Variants in PTPRD observed in about 807,000 individuals in gnomAD.
PTPRD encodes receptor-type tyrosine-protein phosphatase delta.
Under a neutral mutation model 214.5 loss-of-function variants are expected in PTPRD, and 34 were observed. The observed-to-expected ratio is 0.16, with a 90% CI of 0.12 to 0.21. The LOEUF (loss-of-function observed/expected upper bound fraction) is 0.21. PTPRD is among the 10% of genes least tolerant of loss of function. The pLI is 1.00. For missense variants in PTPRD, 2,545 were observed against 2,398.7 expected (o/e 1.06, Z -1.27); for synonymous variants, 1,128 against 845.7 (o/e 1.33, Z -5.79).
chr9:10,486,399 G>A (rs921757400), intron 2 of PTPRD, among the ~76,000 whole-genome samples: 4 of 152,058 alleles, frequency 2.6e-5, no homozygotes, highest in Admixed American at 6.5e-5. Context: ...TTCTGCATAT[G>A]GCTGGACAGT....
chr9:10,129,365 C>A (rs1481209752), intron 3 of PTPRD, among the ~76,000 whole-genome samples: 3 of 152,074 alleles, frequency 2.0e-5, no homozygotes, highest in African/African-American at 7.2e-5. Flanking sequence ...TCCCTAGTGG[C>A]CTCTTAATTT....
intron 11 of PTPRD, among the ~76,000 whole-genome samples, chr9:8,923,467 G>A (rs769635398): frequency 9.2e-5 from 14 of 151,950 alleles, no homozygotes; most frequent in Non-Finnish European, 1.8e-4. Context: ...GTGGCCCGTG[G>A]TCCAAACAGA....
chr9:8,917,219 C>T (rs1350168986), intron 11 of PTPRD, among the ~76,000 whole-genome samples: 3 of 150,702 alleles, frequency 2.0e-5, no homozygotes, highest in Admixed American at 6.6e-5. Flanking sequence ...ACCTCTGCTT[C>T]CTAGGTTCAA....
At chr9:9,392,175 C>T (rs984505167) in intron 9 of PTPRD, among the ~76,000 whole-genome samples, 9 of 152,128 alleles carry the variant, frequency 5.9e-5, no homozygotes, top group Non-Finnish European at 1.3e-4. Context: ...TGGCCCTCAG[C>T]GAGAGCAGTG....
At chr9:8,690,090 A>G (rs959594477) in intron 12 of PTPRD, among the ~76,000 whole-genome samples, 1 of 149,674 alleles carries the variant, frequency 6.7e-6, no homozygotes, top group African/African-American at 2.5e-5. Flanking sequence ...CCTAGGAGTT[A>G]CAGCGAGACT....
chr9:9,139,819 G>T (rs1203321191), intron 10 of PTPRD, among the ~76,000 whole-genome samples: 1 of 152,142 alleles, frequency 6.6e-6, no homozygotes. Context: ...CGGCAACAGT[G>T]GCTTTCTATG....
At chr9:10,000,475 T>G (rs1296994183) in intron 4 of PTPRD, among the ~76,000 whole-genome samples, 1 of 152,126 alleles carries the variant, frequency 6.6e-6, no homozygotes, top group East Asian at 1.9e-4. Context: ...AAGACCCAAC[T>G]GCTGTTCCCC....
chr9:8,338,151 T>A (rs1324643764), intron 43 of PTPRD, among the ~76,000 whole-genome samples: 1 of 151,952 alleles, frequency 6.6e-6, no homozygotes, highest in African/African-American at 2.4e-5. Flanking sequence ...TACCCTGGAG[T>A]TTTATTCAAC....
At chr9:9,986,893 ATATT>A (rs200694767) in intron 4 of PTPRD, among the ~76,000 whole-genome samples, 2,347 of 71,932 alleles carry the variant, frequency 0.033, 81 homozygotes, top group African/African-American at 0.093. Context: ...TGTAGATTTC[ATATT>A]TTTTTTTTAC....
chr9:9,340,989 G>A (rs1047266481), intron 9 of PTPRD, among the ~76,000 whole-genome samples: 1 of 152,056 alleles, frequency 6.6e-6, no homozygotes, highest in Non-Finnish European at 1.5e-5. Context: ...CTTCAATATT[G>A]AATGTGGTAT....
At chr9:9,888,939 T>G (rs1262204651) in intron 5 of PTPRD, among the ~76,000 whole-genome samples, 1 of 152,124 alleles carries the variant, frequency 6.6e-6, no homozygotes, top group Non-Finnish European at 1.5e-5. Flanking sequence ...TTAGAAAAAT[T>G]TATGGTATTA....
chr9:8,596,821 G>C (rs11788419), intron 14 of PTPRD, among the ~76,000 whole-genome samples: 24,895 of 151,968 alleles, frequency 0.16, 2,337 homozygotes, highest in South Asian at 0.28. Flanking sequence ...GCTACATAAG[G>C]TATTGGGAAA....
Position 9,725,413 on chromosome 9 carries a change from A to G in PTPRD, c.-287+9120T>C, listed in dbSNP as rs141213178. 8.3e-4 allele frequency among the ~76,000 whole-genome samples: 126 copies of G among 152,004 alleles called. 2 individuals carry two copies. The highest frequency in any genetic ancestry group is 2.9e-3 in the African/African-American group (122 of 41,452). On this transcript the variant is annotated intron_variant, in intron 7 of 45. Coordinates refer to ENST00000381196, the MANE Select transcript of PTPRD (RefSeq NM_002839.4). ...AAGGCCTCCCCAGCTACGTGGAACC[A>G]TAAGTCCATTAAACGTCTTTTTCTT...
chr9:8,788,498 C>T (rs1168158044), intron 11 of PTPRD, among the ~76,000 whole-genome samples: 3 of 152,024 alleles, frequency 2.0e-5, no homozygotes, highest in African/African-American at 7.2e-5. Context: ...TGGTCTCAAA[C>T]TCCCGACCTC....
At chr9:9,317,642 G>A (rs1206116537) in intron 9 of PTPRD, among the ~76,000 whole-genome samples, 1 of 151,884 alleles carries the variant, frequency 6.6e-6, no homozygotes. Flanking sequence ...TGATGCTGAT[G>A]TTATATTTTG....
chr9:9,257,349 T>C (rs1408027950), intron 9 of PTPRD, among the ~76,000 whole-genome samples: 1 of 152,016 alleles, frequency 6.6e-6, no homozygotes, highest in Non-Finnish European at 1.5e-5. Flanking sequence ...GGTAGTTTCA[T>C]AAACTATATG....
chr9:8,631,718 A>G (rs932079364), intron 14 of PTPRD, among the ~76,000 whole-genome samples: 15 of 151,904 alleles, frequency 9.9e-5, no homozygotes, highest in African/African-American at 3.6e-4. Context: ...TTAAAACTCC[A>G]GCACTAAAGC....
rs189240825 is a variant in PTPRD at position 10,145,577 on chromosome 9, A to G, written c.-544-111787T>C. On this transcript the variant is annotated intron_variant, in intron 3 of 45. Coordinates refer to ENST00000381196, the MANE Select transcript of PTPRD (RefSeq NM_002839.4). Reference sequence around the variant, plus strand: ...CAAAATATGAGTTAATCAACTGTTTATGTTATCAGTAAGGCTTCTAGTCAA... The same window carrying G: ...CAAAATATGAGTTAATCAACTGTTTGTGTTATCAGTAAGGCTTCTAGTCAA... Among the ~76,000 whole-genome samples, 724 of 152,276 alleles carry G rather than the reference A, an allele frequency of 4.8e-3. 1 individual carries two copies. The highest frequency in any genetic ancestry group is 7.0e-3 in the Non-Finnish European group (474 of 68,010).
At position 9,545,559 on chromosome 9, in the gene PTPRD, C is replaced by A. The variant is rs546619682; in HGVS notation, c.-237+29173G>T. On this transcript the variant is annotated intron_variant, in intron 8 of 45. Transcript: ENST00000381196. ...CAAATGTGAACAATTATGAATAAAGCTATTTTAAATATCTGTGTACAGAGT... is the reference window on the plus strand; with the variant it reads ...CAAATGTGAACAATTATGAATAAAGATATTTTAAATATCTGTGTACAGAGT... Among the ~76,000 whole-genome samples the A allele has an allele frequency of 7.9e-5, 12 of 151,954 alleles. No individual in the cohort carries two copies. In the South Asian group the frequency reaches 2.5e-3, roughly 31 times the overall value.
Sources: gnomAD v4.1 joint callset for allele counts (sites outside exome capture counted in the v4.1 genomes callset) on GRCh38, gnomAD v4.1.1 for gene constraint, MANE v1.5 for transcripts, NCBI Gene and HGNC (gene_info 2026-07-23, HGNC 2026-07-21) for gene names.